Variants in TNRC6A observed in about 807,000 individuals in gnomAD.
TNRC6A encodes trinucleotide repeat-containing gene 6A protein.
TNRC6A carries 44 observed loss-of-function variants against 221.2 expected under a neutral mutation model. The ratio of observed to expected loss-of-function variants is 0.20; its 90% confidence interval spans 0.16 to 0.26. The LOEUF (loss-of-function observed/expected upper bound fraction) is 0.26, where lower values mean the gene tolerates loss of function less well. Ranked by LOEUF, TNRC6A falls within the 10% of genes least tolerant of loss-of-function variation. The pLI, the probability that TNRC6A is intolerant of heterozygous loss-of-function variation, is 1.00. For missense variants in TNRC6A, 2,199 were observed against 2,404.4 expected (o/e 0.91, Z 1.79); for synonymous variants, 847 against 838.5 (o/e 1.01, Z -0.18).
At chr16:24,643,106 A>ATTT (rs1293896221) in intron 2 of TNRC6A, among the ~76,000 whole-genome samples, 8,719 of 57,668 alleles carry the variant, frequency 0.15, 201 homozygotes, top group Non-Finnish European at 0.24. Context: ...ATATATATAT[A>ATTT]TAAAATATAT....
intron 2 of TNRC6A, among the ~76,000 whole-genome samples, chr16:24,745,181 A>G (rs1027871862): frequency 7.2e-5 from 11 of 152,156 alleles, no homozygotes; most frequent in African/African-American, 1.9e-4. Flanking sequence ...ATTTTATCCT[A>G]TTCTCTTCAT....
chr16:24,757,803 TTAGA>T (rs1297123106), intron 3 of TNRC6A, among the ~76,000 whole-genome samples: 1 of 152,232 alleles, frequency 6.6e-6, no homozygotes, highest in Admixed American at 6.5e-5. Context: ...TCAAAAATAC[TTAGA>T]TACTTAAAAG....
Position 24,800,842 on chromosome 16 carries a change from A to G in TNRC6A, c.3694+2876A>G, listed in dbSNP as rs191568250. 3.2e-4 allele frequency among the ~76,000 whole-genome samples: 48 copies of G among 152,304 alleles called. No individual in the cohort carries two copies. In the East Asian group the frequency reaches 8.7e-3, roughly 28 times the overall value. On this transcript the variant is annotated intron_variant, in intron 11 of 24. Coordinates refer to ENST00000395799, the MANE Select transcript of TNRC6A (RefSeq NM_014494.4). ...GAAGCTGCAAGGGCTGCCCATGCCTACCAAGTCCACATGCTGGCCCAGGAA... is the reference window on the plus strand; with the variant it reads ...GAAGCTGCAAGGGCTGCCCATGCCTGCCAAGTCCACATGCTGGCCCAGGAA...
In TNRC6A at chr16:24,741,755, C is replaced by G. The variant is rs573280451; in HGVS notation, c.54-8971C>G. 1.4e-4 allele frequency among the ~76,000 whole-genome samples: 22 copies of G among 152,310 alleles called. No homozygotes were observed. The South Asian group carries it at 4.6e-3, about 32-fold the overall frequency. On this transcript the variant is annotated intron_variant, in intron 2 of 24. Transcript: ENST00000395799. Reference sequence around the variant, plus strand: ...CACTTCCTCCTTTGGTTGCAACCTTCTTTGCATCCTAACCTTAGCTTAGTG... The same window carrying G: ...CACTTCCTCCTTTGGTTGCAACCTTGTTTGCATCCTAACCTTAGCTTAGTG...
intron 2 of TNRC6A, among the ~76,000 whole-genome samples, chr16:24,719,003 C>G (rs1218873519): frequency 6.7e-6 from 1 of 148,710 alleles, no homozygotes; most frequent in Non-Finnish European, 1.5e-5. Context: ...CACCACTGTA[C>G]TCCAGCCTGG....
chr16:24,628,114 A>G (rs1480899592), intron 1 of TNRC6A, among the ~76,000 whole-genome samples: 2 of 151,690 alleles, frequency 1.3e-5, no homozygotes, highest in South Asian at 2.1e-4. Context: ...TTACTTATAC[A>G]TGGATTGTTT....
At chr16:24,683,425 T>C (rs936447147) in intron 2 of TNRC6A, among the ~76,000 whole-genome samples, 3 of 152,144 alleles carry the variant, frequency 2.0e-5, no homozygotes, top group African/African-American at 4.8e-5. Context: ...TTTAAACACC[T>C]GTGCTCAAGC....
chr16:24,695,183 G>A (rs1218556664), intron 2 of TNRC6A, among the ~76,000 whole-genome samples: 1 of 152,096 alleles, frequency 6.6e-6, no homozygotes, highest in Non-Finnish European at 1.5e-5. Context: ...TCTAGCTGAA[G>A]AAAACGAAAC....
In TNRC6A at chr16:24,789,961, G is replaced by A; in HGVS notation, c.1319G>A (p.Ser440Asn). The stretch of plus-strand genomic sequence containing the variant: ...AGTGGTACACAGAAGGTTTCATTCA[G>A]TGGTCAACCTCAAAATATTACCACT... ...EVSGTQKVSFSGQPQNITTEM... is the reference protein window; with the variant it reads ...EVSGTQKVSFNGQPQNITTEM... Residue 440 changes from serine (S) to asparagine (N), a missense_variant, in exon 6 of 25, where the codon AGT becomes AAT. Ser to Asn is a conservative substitution (Grantham distance 46). Around this residue, in one of 8 missense-constraint regions of TNRC6A, gnomAD observed 1,405 missense variants for 1,400.2 expected, o/e 1.00. Transcript: ENST00000395799. The A allele has an allele frequency of 6.2e-7, 1 of 1,614,104 alleles. No individual in the cohort carries two copies. The highest frequency in any genetic ancestry group is 8.5e-7 in the Non-Finnish European group (1 of 1,180,020).
intron 5 of TNRC6A, among the ~76,000 whole-genome samples, chr16:24,784,507 A>T (rs1335868694): frequency 6.6e-6 from 1 of 152,066 alleles, no homozygotes; most frequent in Non-Finnish European, 1.5e-5. Context: ...TATTTTTTGT[A>T]GAGATGGGGT....
At chr16:24,762,575 T>C (rs1484928035) in intron 4 of TNRC6A, among the ~76,000 whole-genome samples, 1 of 152,214 alleles carries the variant, frequency 6.6e-6, no homozygotes, top group East Asian at 1.9e-4. Flanking sequence ...GGCTGGGTAT[T>C]CTGGGACTCA....
chr16:24,742,214 G>T (rs368626844), intron 2 of TNRC6A, among the ~76,000 whole-genome samples: 6 of 152,316 alleles, frequency 3.9e-5, no homozygotes, highest in African/African-American at 1.4e-4. Flanking sequence ...CACCCATTGA[G>T]GGAGGTACAG....
At chr16:24,702,695 C>T (rs2056010843) in intron 2 of TNRC6A, among the ~76,000 whole-genome samples, 1 of 151,982 alleles carries the variant, frequency 6.6e-6, no homozygotes, top group African/African-American at 2.4e-5. Context: ...GTGATCATCC[C>T]ACCGCACTTT....
At chr16:24,814,876 G>A (rs1184648853) in intron 18 of TNRC6A, among the ~76,000 whole-genome samples, 2 of 152,206 alleles carry the variant, frequency 1.3e-5, no homozygotes, top group East Asian at 3.9e-4. Context: ...CCATACAAGT[G>A]TTTTAATGAT....
intron 2 of TNRC6A, chr16:24,661,329 A>G (rs1364512811): frequency 6.6e-6 from 1 of 151,832 alleles, no homozygotes; most frequent in Non-Finnish European, 1.5e-5. Context: ...AAGAAACTGT[A>G]TGGCATATTT....
intron 2 of TNRC6A, among the ~76,000 whole-genome samples, chr16:24,655,873 C>T (rs1243656423): frequency 1.3e-5 from 2 of 152,070 alleles, no homozygotes; most frequent in Admixed American, 6.6e-5. Flanking sequence ...GGTGCCCTGG[C>T]TCACACCTGT....
chr16:24,749,503 T>C (rs1336210784), intron 2 of TNRC6A, among the ~76,000 whole-genome samples: 1 of 152,070 alleles, frequency 6.6e-6, no homozygotes, highest in African/African-American at 2.4e-5. Flanking sequence ...GTGGGTGGGG[T>C]TGAGTAGCTA....
intron 18 of TNRC6A, among the ~76,000 whole-genome samples, chr16:24,814,136 A>G (rs1261165442): frequency 6.6e-6 from 1 of 152,140 alleles, no homozygotes; most frequent in East Asian, 1.9e-4. Flanking sequence ...CACCAGCGAG[A>G]GGTGTGAGGC....
Position 24,797,555 on chromosome 16 carries a change from A to G in TNRC6A, c.3627A>G (p.Ser1209=), listed in dbSNP as rs570287642. ...AWINPFVKQF[S]NISFSRDSPE... is the part of the protein sequence containing the mutation. ...TAAATCCATTTGTTAAACAGTTTTC[A>G]AACATCAGTTTTTCGGTAAGTATGT... The change falls in exon 10 of 25, where the codon TCA becomes TCG. Residue 1209 remains serine, a synonymous_variant. Coordinates refer to ENST00000395799, the MANE Select transcript of TNRC6A (RefSeq NM_014494.4). The G allele has an allele frequency of 3.1e-5, 50 of 1,611,612 alleles. 1 individual carries two copies. The South Asian group carries it at 5.5e-4, about 18-fold the overall frequency.
Sources: gnomAD v4.1 joint callset for allele counts (sites outside exome capture counted in the v4.1 genomes callset) on GRCh38, gnomAD v4.1.1 for gene constraint, gnomAD v4.1.1 regional missense constraint, MANE v1.5 for transcripts, NCBI Gene and HGNC (gene_info 2026-07-23, HGNC 2026-07-21) for gene names.